The following NCAM2 variants were observed in gnomAD, a reference collection of about 807,000 sequenced individuals.
NCAM2 encodes the protein N-CAM-2.
NCAM2 carries 30 observed loss-of-function variants against 98.1 expected under a neutral mutation model. The observed-to-expected ratio is 0.31, with a 90% confidence interval of 0.23 to 0.41. NCAM2 has a LOEUF of 0.41. Ranked by LOEUF, NCAM2 falls within the 10% of genes least tolerant of loss-of-function variation. NCAM2 has a pLI of 1.00. For missense variants in NCAM2, 867 were observed against 1,005.8 expected, an observed-to-expected ratio of 0.86 and a Z score of 1.87; for synonymous variants, 368 against 342.4, an observed-to-expected ratio of 1.07 and a Z score of -0.83.
At chr21:21,493,194 A>T (rs910547845) in intron 15 of NCAM2, among the ~76,000 whole-genome samples, 1 of 151,970 alleles carries the variant, frequency 6.6e-6, no homozygotes, top group Non-Finnish European at 1.5e-5. Context: ...ATTCTATTAC[A>T]TAAAAACAGG....
intron 15 of NCAM2, among the ~76,000 whole-genome samples, chr21:21,484,254 C>G (rs895371316): frequency 6.6e-6 from 1 of 152,028 alleles, no homozygotes; most frequent in Non-Finnish European, 1.5e-5. Context: ...AGATTTTAGC[C>G]ATTCTTGTTT....
At chr21:21,490,109 A>T (rs1986724115) in intron 15 of NCAM2, among the ~76,000 whole-genome samples, 1 of 152,060 alleles carries the variant, frequency 6.6e-6, no homozygotes, top group African/African-American at 2.4e-5. Flanking sequence ...TCTTGTAATA[A>T]TTCAACATAT....
intron 1 of NCAM2, among the ~76,000 whole-genome samples, chr21:21,085,516 T>C (rs1475108932): frequency 1.3e-5 from 2 of 152,126 alleles, no homozygotes; most frequent in Non-Finnish European, 2.9e-5. Flanking sequence ...CCAGCTGGGC[T>C]CATGAGCCAA....
chr21:21,120,702 T>G (rs1358111692), intron 1 of NCAM2, among the ~76,000 whole-genome samples: 1 of 147,150 alleles, frequency 6.8e-6, no homozygotes, highest in Admixed American at 7.1e-5. Context: ...AATTGATGTT[T>G]ATTTATTTTT....
chr21:21,271,305 TAAG>T (rs2072488474), intron 1 of NCAM2, among the ~76,000 whole-genome samples: 1 of 152,196 alleles, frequency 6.6e-6, no homozygotes, highest in African/African-American at 2.4e-5. Context: ...CTAAGATTAA[TAAG>T]GCAAGACATT....
intron 1 of NCAM2, among the ~76,000 whole-genome samples, chr21:21,093,222 G>A (rs1397603497): frequency 6.6e-6 from 1 of 152,094 alleles, no homozygotes; most frequent in Non-Finnish European, 1.5e-5. Flanking sequence ...CCTGTGTGGA[G>A]ACGTCTTTTG....
At chr21:21,098,690 G>A (rs193290922) in intron 1 of NCAM2, among the ~76,000 whole-genome samples, 81 of 151,912 alleles carry the variant, frequency 5.3e-4, no homozygotes, top group African/African-American at 1.9e-3. Flanking sequence ...TCTAAGATGT[G>A]CGTGGCAATG....
intron 9 of NCAM2, among the ~76,000 whole-genome samples, chr21:21,385,870 TTACA>T (rs1242431904): frequency 1.3e-5 from 2 of 152,170 alleles, no homozygotes; most frequent in Non-Finnish European, 2.9e-5. Flanking sequence ...AATTTAACAG[TTACA>T]TACTAACAAT....
chr21:21,375,358 T>C (rs1408234692), intron 9 of NCAM2, among the ~76,000 whole-genome samples: 3 of 151,556 alleles, frequency 2.0e-5, no homozygotes, highest in Non-Finnish European at 2.9e-5. Context: ...AAAAAAGGAT[T>C]ATGAAAGGCA....
chr21:21,512,340 G>A (rs1486677955), intron 16 of NCAM2, among the ~76,000 whole-genome samples: 1 of 151,954 alleles, frequency 6.6e-6, no homozygotes, highest in Admixed American at 6.6e-5. Context: ...ACCATTTATT[G>A]ATGAGACTTC....
At chr21:21,238,661 G>T (rs2070941528) in intron 1 of NCAM2, among the ~76,000 whole-genome samples, 1 of 151,960 alleles carries the variant, frequency 6.6e-6, no homozygotes, top group South Asian at 2.1e-4. Context: ...GTTAACTCAG[G>T]CCTACATCAG....
chr21:21,380,967 A>G (rs756119327), intron 9 of NCAM2, among the ~76,000 whole-genome samples: 9 of 152,160 alleles, frequency 5.9e-5, no homozygotes, highest in Non-Finnish European at 1.2e-4. Context: ...TATCTACGCT[A>G]GCCCTCTTAT....
intron 15 of NCAM2, among the ~76,000 whole-genome samples, chr21:21,484,439 A>G (rs1401357566): frequency 2.6e-5 from 4 of 152,116 alleles, no homozygotes; most frequent in African/African-American, 9.7e-5. Context: ...TTTCAAAAAC[A>G]ATTTTCATCA....
At chr21:21,047,360 A>T (rs1370376288) in intron 1 of NCAM2, among the ~76,000 whole-genome samples, 1 of 152,214 alleles carries the variant, frequency 6.6e-6, no homozygotes, top group Non-Finnish European at 1.5e-5. Flanking sequence ...TTAGATTCTA[A>T]GTATTCATTA....
intron 1 of NCAM2, among the ~76,000 whole-genome samples, chr21:21,082,274 C>A (rs1200950290): frequency 2.4e-5 from 1 of 42,384 alleles, no homozygotes; most frequent in South Asian, 1.4e-3. Context: ...CCTATCAGAG[C>A]TCAAAACAAA....
At chr21:21,221,372 CA>C (rs1484966948) in intron 1 of NCAM2, among the ~76,000 whole-genome samples, 1 of 68 alleles carries the variant, frequency 0.015, no homozygotes, top group Non-Finnish European at 0.023. Flanking sequence ...CAAATTTTCC[CA>C]GGGAAGTCAT....
intron 1 of NCAM2, among the ~76,000 whole-genome samples, chr21:21,185,253 C>T (rs2068602245): frequency 1.3e-5 from 2 of 152,056 alleles, no homozygotes; most frequent in African/African-American, 4.8e-5. Context: ...TCACGTTCAT[C>T]CATATGTTGT....
chr21:21,262,209 T>C (rs1158914034), intron 1 of NCAM2, among the ~76,000 whole-genome samples: 4 of 152,014 alleles, frequency 2.6e-5, no homozygotes, highest in African/African-American at 4.8e-5. Context: ...CTTGAATCAG[T>C]AATAAATAAT....
intron 1 of NCAM2, among the ~76,000 whole-genome samples, chr21:21,015,799 G>A (rs570508022): frequency 6.6e-6 from 1 of 152,098 alleles, no homozygotes; most frequent in African/African-American, 2.4e-5. Flanking sequence ...CGCCTCTCGC[G>A]TTCAAGCAAT....
Sources: gnomAD v4.1 joint callset for allele counts (sites outside exome capture counted in the v4.1 genomes callset) on GRCh38, gnomAD v4.1.1 for gene constraint, MANE v1.5 for transcripts, NCBI Gene and HGNC (gene_info 2026-07-23, HGNC 2026-07-21) for gene names.